The following INTS2 variants were observed in gnomAD, a reference collection of about 807,000 sequenced individuals.
INTS2 encodes KIAA1287.
In INTS2, 57 loss-of-function variants were observed where a neutral mutation model predicts 139.6. The ratio of observed to expected loss-of-function variants is 0.41; its 90% CI spans 0.33 to 0.51. The LOEUF (loss-of-function observed/expected upper bound fraction) is 0.51, where lower values mean the gene tolerates loss of function less well. Ranked by LOEUF, INTS2 falls within the 20% of genes least tolerant of loss-of-function variation. INTS2 has a pLI of 0.28. For synonymous variants in INTS2, 473 were observed against 493.4 expected (o/e 0.96, Z 0.55); for missense variants, 1,196 against 1,436.7 (o/e 0.83, Z 2.71).
At chr17:61,918,772 T>C (rs2079608012) in intron 5 of INTS2, among the ~76,000 whole-genome samples, 1 of 152,238 alleles carries the variant, frequency 6.6e-6, no homozygotes, top group South Asian at 2.1e-4. Flanking sequence ...TATACTTCTC[T>C]GTAAACTGAC....
chr17:61,884,823 T>C (rs2079210817), intron 16 of INTS2, 78 bp downstream of exon 16: 1 of 845,626 alleles, frequency 1.2e-6, no homozygotes, highest in Admixed American at 2.4e-5. Context: ...ATTAAGCACC[T>C]ATTACACTTC....
rs1002243172 is a variant in INTS2, at chr17:61,906,985, C to A, written c.1181+423G>T. 9.8e-3 allele frequency among the ~76,000 whole-genome samples: 684 copies of A among 69,536 alleles called. 2 individuals are homozygous for A. Among genetic ancestry groups the A allele is most frequent in the East Asian group, 0.027 (35 of 1,276 alleles). 45.6% of individuals were successfully genotyped at this position (69,536 alleles called of 152,430 possible). On this transcript the variant is annotated intron_variant, in intron 8 of 24. Coordinates refer to ENST00000251334, the MANE Select transcript of INTS2 (RefSeq NM_001351695.2). ...TCTCAAAAAAAAAAAAAAAAAAAAA[C>A]ATTGTACTTATTAATCACATCATAT...
At position 61,913,814 on chromosome 17, in the gene INTS2, C is replaced by A. The variant is rs183054793; in HGVS notation, c.650-1744G>T. Among the ~76,000 whole-genome samples, 50 of 151,980 alleles carry A rather than the reference C, an allele frequency of 3.3e-4. 1 individual carries two copies. Among genetic ancestry groups the A allele is most frequent in the Admixed American group, 3.1e-3 (48 of 15,250 alleles). On this transcript the variant is annotated intron_variant, in intron 5 of 24. Transcript: ENST00000251334. ...GAACTACAGAAAGGAATTAAGAGCA[C>A]CAAAAATGGTAAATGTGTGGATAAA... is the stretch of plus-strand genomic sequence containing the variant.
chr17:61,898,707 G>A (rs1218630951), intron 9 of INTS2, among the ~76,000 whole-genome samples: 2 of 152,110 alleles, frequency 1.3e-5, no homozygotes, highest in African/African-American at 4.8e-5. Context: ...TCCGCCTCCC[G>A]GGTTCAAGCG....
intron 2 of INTS2, 123 bp downstream of exon 2, chr17:61,926,229 C>A (rs976645081): frequency 1.4e-6 from 1 of 739,870 alleles, no homozygotes; most frequent in Non-Finnish European, 2.2e-6. Context: ...ACAGAAAAGA[C>A]CTAAGTAAAA....
rs1384645850 is a variant in INTS2, at chr17:61,876,677, A to C, written c.2456+1210T>G. Among the ~76,000 whole-genome samples, 2 of 152,118 alleles carry C rather than the reference A, an allele frequency of 1.3e-5. No individual in the cohort carries two copies. The highest frequency in any genetic ancestry group is 2.9e-5 in the Non-Finnish European group (2 of 68,020). Reference sequence around the variant, plus strand: ...AAGCTGGTCTTGAACTCCTGAGCTCAGGTGATCCGTCCACCTCGGCCTCCC... The same window carrying C: ...AAGCTGGTCTTGAACTCCTGAGCTCCGGTGATCCGTCCACCTCGGCCTCCC... On this transcript the variant is annotated intron_variant, in intron 18 of 24. Coordinates refer to ENST00000251334, the MANE Select transcript of INTS2 (RefSeq NM_001351695.2). The surrounding 1 kb of genome is among the most constrained non-coding windows in gnomAD (Gnocchi z 4.1).
At chr17:61,924,842 A>G (rs1014393856) in intron 3 of INTS2, 119 bp downstream of exon 3, 48 of 993,952 alleles carry the variant, frequency 4.8e-5, no homozygotes, top group Non-Finnish European at 6.5e-5. Flanking sequence ...AAAAAAAAGA[A>G]CAAAATAAGA....
intron 3 of INTS2, 81 bp from the exon 4 acceptor site, chr17:61,921,908 T>C: frequency 1.4e-6 from 1 of 725,360 alleles, no homozygotes; most frequent in South Asian, 2.0e-5. Context: ...TTTCTTGAGC[T>C]CACAGATTAT....
chr17:61,914,970 G>A lies in INTS2; in HGVS notation c.650-2900C>T, dbSNP rs190562130. ...TGTAATCCCAGCACTTTGGAAGGCC[G>A]AGGAGGACAGATCACTTGAGGTCAG... On this transcript the variant is annotated intron_variant, in intron 5 of 24. Transcript: ENST00000251334. Among the ~76,000 whole-genome samples, 12 of 151,928 alleles carry A rather than the reference G, an allele frequency of 7.9e-5. No homozygotes were observed. The East Asian group carries it at 1.2e-3, about 15-fold the overall frequency.
intron 9 of INTS2, among the ~76,000 whole-genome samples, chr17:61,901,921 T>C (rs2079411172): frequency 6.6e-6 from 1 of 152,146 alleles, no homozygotes; most frequent in African/African-American, 2.4e-5. Context: ...AGAATGGGTA[T>C]GTGTGAAGTA....
At position 61,869,696 on chromosome 17, in the gene INTS2, A is replaced by C; in HGVS notation, c.3030+41T>G. 6.3e-7 allele frequency: 1 copy of C among 1,595,468 alleles called. No homozygotes were observed. The highest frequency in any genetic ancestry group is 2.2e-5 in the East Asian group (1 of 44,570). Reference sequence around the variant, plus strand: ...TATAGTATTCAAAGCCCCCAAGAAAAATAAAGTTCAAACACAAAGCATCAT... The same window carrying C: ...TATAGTATTCAAAGCCCCCAAGAAACATAAAGTTCAAACACAAAGCATCAT... On this transcript the variant is annotated intron_variant, in intron 21 of 24. Transcript: ENST00000251334. The surrounding 1 kb of genome is among the most constrained non-coding windows in gnomAD (Gnocchi z 5.4).
At chr17:61,918,739 T>A (rs2079607675) in intron 5 of INTS2, among the ~76,000 whole-genome samples, 2 of 152,170 alleles carry the variant, frequency 1.3e-5, no homozygotes, top group African/African-American at 2.4e-5. Context: ...AAAAATGTAG[T>A]CGATTTTTCT....
chr17:61,872,244 T>C lies in INTS2; in HGVS notation c.2778+21A>G. On this transcript the variant is annotated intron_variant, in intron 20 of 24. Coordinates refer to ENST00000251334, the MANE Select transcript of INTS2 (RefSeq NM_001351695.2). This position sits in a 1 kb window ranked among gnomAD's most constrained non-coding sequence, Gnocchi z 4.8. ...GAAGCCCTTGCTCTTTTTGACTAAA[T>C]TTTACTTTAGCAAAATTTACCTGAG... 1 of 1,597,010 alleles carries C rather than the reference T, an allele frequency of 6.3e-7. No homozygotes were observed. The highest frequency in any genetic ancestry group is 8.6e-7 in the Non-Finnish European group (1 of 1,168,096).
rs2079103687 is a variant in INTS2 at position 61,873,364 on chromosome 17, A to G, written c.2583-904T>C. Among the ~76,000 whole-genome samples the G allele has an allele frequency of 6.6e-6, 1 of 152,144 alleles. No homozygotes were observed. Among genetic ancestry groups the G allele is most frequent in the African/African-American group, 2.4e-5 (1 of 41,400 alleles). On this transcript the variant is annotated intron_variant, in intron 19 of 24. Coordinates refer to ENST00000251334, the MANE Select transcript of INTS2 (RefSeq NM_001351695.2). The surrounding 1 kb of genome is among the most constrained non-coding windows in gnomAD (Gnocchi z 4.0). ...CATAGCAAGACCCCCAACTCAAAAAATAAAAATAAATTTGAAATAAGAACA... is the reference window on the plus strand; with the variant it reads ...CATAGCAAGACCCCCAACTCAAAAAGTAAAAATAAATTTGAAATAAGAACA...
In INTS2 at chr17:61,907,418, C is replaced by T; in HGVS notation, c.1171G>A (p.Ala391Thr). The change falls in exon 8 of 25, where the codon GCT becomes ACT. Residue 391 changes from alanine to threonine, a missense_variant. Physicochemically the swap from Ala to Thr is moderately conservative, Grantham distance 58 (BLOSUM62 0). Coordinates refer to ENST00000251334, the MANE Select transcript of INTS2 (RefSeq NM_001351695.2). ...LRLYCALMGIAGLKPTEEEAE... is the reference protein window; with the variant it reads ...LRLYCALMGITGLKPTEEEAE... Reference sequence around the variant, plus strand: ...CAAACTATTGAATACTTGAGTCCAGCGATCCCCATCAAAGCACAGTACAGA... The same window carrying T: ...CAAACTATTGAATACTTGAGTCCAGTGATCCCCATCAAAGCACAGTACAGA... The T allele has an allele frequency of 1.3e-6, 2 of 1,583,208 alleles. No individual in the cohort carries two copies. Among genetic ancestry groups the T allele is most frequent in the Non-Finnish European group, 1.7e-6 (2 of 1,163,870 alleles).
Position 61,872,271 on chromosome 17 carries a change from G to C in INTS2, c.2772C>G (p.Ala924=), listed in dbSNP as rs778930549. ...TTACTTTAGCAAAATTTACCTGAGC[G>C]GCCAGTAATGCATTTTTCAATTCTT... ...TREELKNALL[A]AQDSAAVQIL... is the part of the protein sequence containing the mutation. Residue 924 remains alanine (A), a synonymous_variant, in exon 20 of 25, where the codon GCC becomes GCG. Coordinates refer to ENST00000251334, the MANE Select transcript of INTS2 (RefSeq NM_001351695.2). The surrounding 1 kb of genome is among the most constrained non-coding windows in gnomAD (Gnocchi z 4.8). 3 of 1,606,728 alleles carry C rather than the reference G, an allele frequency of 1.9e-6. No individual in the cohort carries two copies. In the Admixed American group the frequency reaches 5.0e-5, roughly 27 times the overall value.
rs891748714 is a variant in INTS2, at chr17:61,873,668, G to A, written c.2583-1208C>T. 6.6e-6 allele frequency among the ~76,000 whole-genome samples: 1 copy of A among 152,046 alleles called. No homozygotes were observed. The highest frequency in any genetic ancestry group is 2.4e-5 in the African/African-American group (1 of 41,406). ...TTGTTCTGATTCCTATTTCCTATGAGATCTTAATCTTACCAAACCATATTT... is the reference window on the plus strand; with the variant it reads ...TTGTTCTGATTCCTATTTCCTATGAAATCTTAATCTTACCAAACCATATTT... On this transcript the variant is annotated intron_variant, in intron 19 of 24. Transcript: ENST00000251334. This position sits in a 1 kb window ranked among gnomAD's most constrained non-coding sequence, Gnocchi z 4.0.
intron 15 of INTS2, among the ~76,000 whole-genome samples, chr17:61,888,136 C>A (rs929885070): frequency 6.6e-6 from 1 of 151,898 alleles, no homozygotes; most frequent in Non-Finnish European, 1.5e-5. Flanking sequence ...TTTGGGAGGC[C>A]AAGCCAGGAG....
Position 61,868,979 on chromosome 17 carries a change from A to G in INTS2, c.3244+55T>C. The G allele has an allele frequency of 9.7e-7, 1 of 1,036,184 alleles. No homozygotes were observed. The highest frequency in any genetic ancestry group is 1.5e-6 in the Non-Finnish European group (1 of 668,224). 64.2% of individuals were successfully genotyped at this position (1,036,184 alleles called of 1,614,324 possible). A position where few individuals can be genotyped will look rare whatever the true frequency, so the allele number is the denominator to read the frequency against. On this transcript the variant is annotated intron_variant, in intron 23 of 24. Transcript: ENST00000251334. The surrounding 1 kb of genome is among the most constrained non-coding windows in gnomAD (Gnocchi z 4.7). ...TATTGCATCACTAAATGCAGAAAAT[A>G]TAGGAACTATAATAATTTATGTCAG...
Sources: gnomAD v4.1 joint callset for allele counts (sites outside exome capture counted in the v4.1 genomes callset) on GRCh38, gnomAD v4.1.1 for gene constraint, Gnocchi (gnomAD v3.1) non-coding constraint, MANE v1.5 for transcripts, NCBI Gene and HGNC (gene_info 2026-07-23, HGNC 2026-07-21) for gene names.